Variants in EDA observed in about 807,000 individuals in gnomAD.
EDA encodes the protein ectodysplasin-A.
A neutral mutation model predicts 23.6 loss-of-function variants in EDA; 2 were observed. The ratio of observed to expected loss-of-function variants is 0.08; its 90% CI spans 0.03 to 0.27. EDA has a LOEUF of 0.27. Among genes scored for constraint, EDA ranks in the 10% least tolerant of loss-of-function variants. The pLI, the probability that EDA is intolerant of heterozygous loss-of-function variation, is 1.00. For missense variants in EDA, 229 were observed against 324.2 expected (o/e 0.71, Z 2.26); for synonymous variants, 131 against 132.0 (o/e 0.99, Z 0.05).
chrX:69,928,394 A>G (rs1454050024), intron 1 of EDA, among the ~76,000 whole-genome samples: 1 of 112,037 alleles, frequency 8.9e-6, no homozygotes, highest in Non-Finnish European at 1.9e-5. Flanking sequence ...TGCATTCCAC[A>G]GTAGTATTTT....
intron 1 of EDA, among the ~76,000 whole-genome samples, chrX:69,875,551 A>G (rs2017630161): frequency 8.9e-6 from 1 of 112,125 alleles, no homozygotes. Context: ...ACATCAGAAA[A>G]ACCCTTCTAG....
At chrX:69,617,923 T>TA (rs370312004) in intron 1 of EDA, among the ~76,000 whole-genome samples, 17,483 of 96,555 alleles carry the variant, frequency 0.18, 1,317 homozygotes, top group Non-Finnish European at 0.23. Context: ...GACTGATACT[T>TA]AAAAAAAAAA....
intron 1 of EDA, among the ~76,000 whole-genome samples, chrX:69,769,236 G>A (rs750934087): frequency 9.0e-6 from 1 of 111,493 alleles, no homozygotes; most frequent in African/African-American, 3.2e-5. Flanking sequence ...CTGATTTTCT[G>A]TCTACTTATT....
At chrX:69,932,500 G>A (rs200409880) in intron 1 of EDA, among the ~76,000 whole-genome samples, 1 of 110,940 alleles carries the variant, frequency 9.0e-6, no homozygotes, top group Non-Finnish European at 1.9e-5. Context: ...TAATAGAGAC[G>A]GGCTATTCTT....
intron 1 of EDA, among the ~76,000 whole-genome samples, chrX:69,789,656 A>G (rs1453854366): frequency 1.8e-5 from 2 of 112,081 alleles, no homozygotes; most frequent in Non-Finnish European, 3.8e-5. Context: ...TCTTGGTGAT[A>G]CTATGCTATC....
intron 1 of EDA, among the ~76,000 whole-genome samples, chrX:69,798,860 A>G (rs2015607291): frequency 9.0e-6 from 1 of 111,619 alleles, no homozygotes; most frequent in South Asian, 3.7e-4. Flanking sequence ...CCTAAAATTT[A>G]TATGGAACCA....
chrX:69,639,540 G>C (rs1291996157), intron 1 of EDA, among the ~76,000 whole-genome samples: 9 of 111,696 alleles, frequency 8.1e-5, no homozygotes, highest in East Asian at 5.6e-4. Context: ...CTTTCCATAT[G>C]CTTATTGGTT....
At chrX:69,627,772 A>G (rs1468261622) in intron 1 of EDA, among the ~76,000 whole-genome samples, 1 of 112,009 alleles carries the variant, frequency 8.9e-6, no homozygotes, top group Non-Finnish European at 1.9e-5. Flanking sequence ...TGAATGCTTA[A>G]TGAACACCAC....
chrX:69,822,460 G>A (rs1009309814), intron 1 of EDA, among the ~76,000 whole-genome samples: 1 of 111,323 alleles, frequency 9.0e-6, no homozygotes, highest in Non-Finnish European at 1.9e-5. Flanking sequence ...AAGGACATCA[G>A]TGCTAGAGAA....
At chrX:69,922,513 A>T (rs2018450478) in intron 1 of EDA, among the ~76,000 whole-genome samples, 1 of 111,844 alleles carries the variant, frequency 8.9e-6, no homozygotes. Flanking sequence ...GTGTCTAATG[A>T]TATTTCATTT....
intron 1 of EDA, among the ~76,000 whole-genome samples, chrX:69,664,952 C>T (rs764195651): frequency 8.9e-6 from 1 of 111,988 alleles, no homozygotes; most frequent in East Asian, 2.8e-4. Flanking sequence ...GTTCTCTTTT[C>T]TCCATGCCTG....
chrX:69,799,530 T>A (rs2015624940), intron 1 of EDA, among the ~76,000 whole-genome samples: 1 of 110,305 alleles, frequency 9.1e-6, no homozygotes, highest in Admixed American at 9.6e-5. Flanking sequence ...AATGATCTTA[T>A]CAAAAATGGG....
chrX:69,697,841 CTTT>C (rs1401353901), intron 1 of EDA, among the ~76,000 whole-genome samples: 2 of 112,111 alleles, frequency 1.8e-5, no homozygotes, highest in African/African-American at 6.5e-5. Context: ...TCTAGAACTG[CTTT>C]TTTGTTATCG....
intron 1 of EDA, among the ~76,000 whole-genome samples, chrX:69,705,290 C>T (rs963122855): frequency 3.6e-5 from 4 of 110,222 alleles, no homozygotes; most frequent in Admixed American, 2.9e-4. Flanking sequence ...TCTGAGTTCC[C>T]CCTCCATCTG....
intron 1 of EDA, among the ~76,000 whole-genome samples, chrX:69,764,525 G>T (rs1051744109): frequency 5.5e-5 from 6 of 110,044 alleles, no homozygotes; most frequent in Non-Finnish European, 7.6e-5. Context: ...TTACAGGTGT[G>T]AGCCACCGCA....
At chrX:69,838,558 C>T (rs1267662657) in intron 1 of EDA, among the ~76,000 whole-genome samples, 1 of 112,420 alleles carries the variant, frequency 8.9e-6, no homozygotes, top group Admixed American at 9.3e-5. Context: ...ACCCAGGAGG[C>T]GGTGCTTGCA....
chrX:69,878,239 C>T, intron 1 of EDA, among the ~76,000 whole-genome samples: 1 of 112,378 alleles, frequency 8.9e-6, no homozygotes, highest in East Asian at 2.8e-4. Flanking sequence ...CACTCCCCTC[C>T]CCGACCCCCC....
chrX:69,832,279 A>G (rs1281069718), intron 1 of EDA, among the ~76,000 whole-genome samples: 1 of 111,813 alleles, frequency 8.9e-6, no homozygotes, highest in African/African-American at 3.2e-5. Context: ...TCCCAGCACC[A>G]TTTATTAAAT....
intron 1 of EDA, among the ~76,000 whole-genome samples, chrX:69,849,355 T>A (rs958565437): frequency 8.9e-6 from 1 of 112,115 alleles, no homozygotes; most frequent in African/African-American, 3.2e-5. Context: ...ATATTTGTTA[T>A]ATGAAGGGGT....
Sources: gnomAD v4.1 joint callset for allele counts (sites outside exome capture counted in the v4.1 genomes callset) on GRCh38, gnomAD v4.1.1 for gene constraint, MANE v1.5 for transcripts, NCBI Gene and HGNC (gene_info 2026-07-23, HGNC 2026-07-21) for gene names.